Variants in SLC12A2 observed in about 807,000 individuals in gnomAD.
SLC12A2 encodes Na-K-2Cl cotransporter 1.
In SLC12A2, 67 loss-of-function variants were observed where a neutral mutation model predicts 136.3. The ratio of observed to expected loss-of-function variants is 0.49; its 90% CI spans 0.40 to 0.60. The LOEUF (loss-of-function observed/expected upper bound fraction) is 0.60, where lower values mean the gene tolerates loss of function less well. Ranked by LOEUF, SLC12A2 falls within the 20% of genes least tolerant of loss-of-function variation. SLC12A2 has a pLI of 0.00. For missense variants in SLC12A2, 1,322 were observed against 1,534.7 expected (o/e 0.86, Z 2.32); for synonymous variants, 619 against 562.9 (o/e 1.10, Z -1.41).
At position 128,174,527 on chromosome 5, in the gene SLC12A2, T is replaced by G; in HGVS notation, c.2804-14T>G. 1 of 1,582,608 alleles carries G rather than the reference T, an allele frequency of 6.3e-7. No homozygotes were observed. The highest frequency in any genetic ancestry group is 8.6e-7 in the Non-Finnish European group (1 of 1,160,042). ...ATGACTTAGATACTATTTTAAATAA[T>G]TTTCTGTCTACAGAAGAATTATTGT... On this transcript the variant is annotated splice_polypyrimidine_tract_variant and intron_variant, in intron 19 of 26. Coordinates refer to ENST00000262461, the MANE Select transcript of SLC12A2 (RefSeq NM_001046.3).
chr5:128,117,979 A>G (rs1413535245), intron 4 of SLC12A2, among the ~76,000 whole-genome samples: 6 of 152,136 alleles, frequency 3.9e-5, no homozygotes, highest in African/African-American at 1.4e-4. Context: ...CAGCATCACT[A>G]ATTATCAGAG....
rs565543094 is a variant in SLC12A2 at position 128,134,356 on chromosome 5, G to C, written c.1299+81G>C. The stretch of plus-strand genomic sequence containing the variant: ...TGTTTTGGGAACACTCTGAAGTATG[G>C]TAATATTTCCAGATTCTAATGGTAC... On this transcript the variant is annotated intron_variant, in intron 6 of 26. Transcript: ENST00000262461. 1.6e-5 allele frequency: 12 copies of C among 753,274 alleles called. No homozygotes were observed. The South Asian group carries it at 2.0e-4, about 12-fold the overall frequency. 46.7% of individuals were successfully genotyped at this position (753,274 alleles called of 1,614,324 possible). A position where few individuals can be genotyped will look rare whatever the true frequency, so the allele number is the denominator to read the frequency against.
chr5:128,134,401 A>G lies in SLC12A2; in HGVS notation c.1299+126A>G, dbSNP rs1762122186. ...TGGTACCTAAGTGGCCATTTTCACA[A>G]ATGTTTATGTATAAGGTTATTTTCT... is the stretch of plus-strand genomic sequence containing the variant. On this transcript the variant is annotated intron_variant, in intron 6 of 26. Transcript: ENST00000262461. 8.4e-6 allele frequency: 5 copies of G among 598,498 alleles called. No individual in the cohort carries two copies. The East Asian group carries it at 1.3e-4, about 16-fold the overall frequency. 37.1% of individuals were successfully genotyped at this position (598,498 alleles called of 1,614,324 possible). A position where few individuals can be genotyped will look rare whatever the true frequency, so the allele number is the denominator to read the frequency against.
Position 128,134,275 on chromosome 5 carries a change from A to G in SLC12A2, c.1299A>G (p.Lys433=), listed in dbSNP as rs867131918. Residue 433 remains lysine, a splice_region_variant and synonymous_variant, in exon 6 of 27, where the codon AAA becomes AAG. Coordinates refer to ENST00000262461, the MANE Select transcript of SLC12A2 (RefSeq NM_001046.3). ...ISVAGMEWEA[K]AQIVLLVILL... ...TAGCTGGAATGGAGTGGGAAGCAAA[A>G]GTAAGTTATGATAGGAACACCTGTA... 3 of 1,487,508 alleles carry G rather than the reference A, an allele frequency of 2.0e-6. No homozygotes were observed. Among genetic ancestry groups the G allele is most frequent in the Non-Finnish European group, 1.9e-6 (2 of 1,065,354 alleles). 92.1% of individuals were successfully genotyped at this position (1,487,508 alleles called of 1,614,324 possible). A position where few individuals can be genotyped will look rare whatever the true frequency, so the allele number is the denominator to read the frequency against.
intron 26 of SLC12A2, among the ~76,000 whole-genome samples, chr5:128,185,317 T>C (rs1561710828): frequency 6.6e-6 from 1 of 152,314 alleles, no homozygotes; most frequent in Non-Finnish European, 1.5e-5. Flanking sequence ...AAATTTTACA[T>C]ACAGACACAT....
intron 7 of SLC12A2, among the ~76,000 whole-genome samples, chr5:128,137,963 G>T (rs1157503527): frequency 1.2e-4 from 18 of 150,114 alleles, no homozygotes; most frequent in Admixed American, 9.9e-4. Context: ...CTTGAGATGG[G>T]GTCTCACTCT....
In SLC12A2 at chr5:128,127,324, T is replaced by C. The variant is rs949671360; in HGVS notation, c.1049-3743T>C. On this transcript the variant is annotated intron_variant, in intron 4 of 26. Transcript: ENST00000262461. ...TTTTAGTAGAGACGGGGTTTCACCG[T>C]ATTAGCCAGGATGGTCTCCATCTCC... 4.6e-5 allele frequency among the ~76,000 whole-genome samples: 7 copies of C among 152,016 alleles called. No homozygotes were observed. In the South Asian group the frequency reaches 1.2e-3, roughly 27 times the overall value.
intron 16 of SLC12A2, among the ~76,000 whole-genome samples, chr5:128,159,577 A>C (rs1220428818): frequency 2.6e-5 from 4 of 152,228 alleles, no homozygotes; most frequent in Non-Finnish European, 4.4e-5. Context: ...CACCCTGTCA[A>C]AAAGTGGGCA....
intron 1 of SLC12A2, among the ~76,000 whole-genome samples, chr5:128,085,270 C>T (rs1256221966): frequency 1.3e-5 from 2 of 151,580 alleles, no homozygotes; most frequent in East Asian, 3.9e-4. Context: ...GAGATCTTGT[C>T]TTGGGACACG....
At chr5:128,130,119 G>C (rs373251201) in intron 4 of SLC12A2, among the ~76,000 whole-genome samples, 2 of 151,720 alleles carry the variant, frequency 1.3e-5, no homozygotes, top group African/African-American at 4.8e-5. Context: ...TGATTTAGAA[G>C]TTACATTAAG....
In SLC12A2 at chr5:128,178,571, C is replaced by A; in HGVS notation, c.2982C>A (p.Ser994=). ...TATQPLLKKE[S]KGPIVPLNVA... ...ATATTTTGCTTAATCCTTTAGAATC[C>A]AAAGGCCCTATTGTGCCTTTAAATG... Residue 994 remains serine (S), a synonymous_variant, in exon 22 of 27, where the codon TCC becomes TCA. Coordinates refer to ENST00000262461, the MANE Select transcript of SLC12A2 (RefSeq NM_001046.3). The A allele has an allele frequency of 1.3e-6, 2 of 1,558,226 alleles. No individual in the cohort carries two copies. The highest frequency in any genetic ancestry group is 1.7e-6 in the Non-Finnish European group (2 of 1,158,588).
intron 6 of SLC12A2, among the ~76,000 whole-genome samples, chr5:128,134,899 T>A (rs989344739): frequency 2.6e-5 from 4 of 152,136 alleles, no homozygotes; most frequent in African/African-American, 7.2e-5. Context: ...ATATATGATA[T>A]GATAATGTTT....
rs193118592 is a variant in SLC12A2 at position 128,156,859 on chromosome 5, C to T, written c.2364-1194C>T. Among the ~76,000 whole-genome samples, 7 of 152,210 alleles carry T rather than the reference C, an allele frequency of 4.6e-5. No individual in the cohort carries two copies. In the East Asian group the frequency reaches 1.2e-3, roughly 25 times the overall value. ...GCACAGCTTCCTTTTTTAAAGGACA[C>T]GCCCTGGAAATAGGAACATACTTAT... On this transcript the variant is annotated intron_variant, in intron 15 of 26. Transcript: ENST00000262461.
chr5:128,099,882 A>G (rs2126651213), intron 1 of SLC12A2, among the ~76,000 whole-genome samples: 1 of 152,252 alleles, frequency 6.6e-6, no homozygotes, highest in South Asian at 2.1e-4. Context: ...CTTCTTCTGG[A>G]ATACCTTCTG....
chr5:128,155,228 CAT>C (rs1447634421), intron 15 of SLC12A2, among the ~76,000 whole-genome samples: 4 of 152,104 alleles, frequency 2.6e-5, no homozygotes, highest in African/African-American at 9.7e-5. Flanking sequence ...TAATTTAAAA[CAT>C]GAATTGTGTA....
At chr5:128,161,944 T>C in intron 17 of SLC12A2, 144 bp downstream of exon 17, 2 of 478,906 alleles carry the variant, frequency 4.2e-6, no homozygotes, top group African/African-American at 2.0e-5. Context: ...CTACTTTGGC[T>C]CACCTGGCTA....
At chr5:128,135,996 CTTTTCT>C (rs1762180541) in intron 7 of SLC12A2, among the ~76,000 whole-genome samples, 188 bp downstream of exon 7, 1 of 151,998 alleles carries the variant, frequency 6.6e-6, no homozygotes, top group Non-Finnish European at 1.5e-5. Flanking sequence ...CTATTTACAT[CTTTTCT>C]TTTTCATTAT....
intron 25 of SLC12A2, 109 bp downstream of exon 25, chr5:128,184,610 T>C (rs1763810080): frequency 2.3e-6 from 3 of 1,316,640 alleles, no homozygotes; most frequent in Non-Finnish European, 3.1e-6. Context: ...AACTCTACTT[T>C]AAAATAGATT....
Position 128,127,116 on chromosome 5 carries a change from A to ATTT in SLC12A2, c.1049-3930_1049-3928dup, listed in dbSNP as rs35726459. ...TGATCATAAGGAATATTGGTCTGGAATTTTTTTTTTTTTTTTTTTTTTTGA... is the reference window on the plus strand; with the variant it reads ...TGATCATAAGGAATATTGGTCTGGAATTTTTTTTTTTTTTTTTTTTTTTTTTGA... On this transcript the variant is annotated intron_variant, in intron 4 of 26. Coordinates refer to ENST00000262461, the MANE Select transcript of SLC12A2 (RefSeq NM_001046.3). 6.8e-3 allele frequency among the ~76,000 whole-genome samples: 470 copies of ATTT among 68,716 alleles called. 55 individuals carry two copies. Among genetic ancestry groups the ATTT allele is most frequent in the Middle Eastern group, 0.019 (1 of 54 alleles). 45.1% of individuals were successfully genotyped at this position (68,716 alleles called of 152,430 possible). A position where few individuals can be genotyped will look rare whatever the true frequency, so the allele number is the denominator to read the frequency against.
Sources: allele counts gnomAD v4.1 joint callset (sites outside exome capture counted in the v4.1 genomes callset), GRCh38; gene constraint gnomAD v4.1.1; transcripts MANE v1.5; gene names NCBI Gene and HGNC (gene_info 2026-07-23, HGNC 2026-07-21).